Variants in CRISPLD2 observed in about 807,000 individuals in gnomAD.
The protein encoded by CRISPLD2 is cysteine rich secretory protein LCCL domain containing 2.
A neutral mutation model predicts 71.1 loss-of-function variants in CRISPLD2; 47 were observed. The observed-to-expected ratio is 0.66, with a 90% CI of 0.52 to 0.84. The LOEUF (loss-of-function observed/expected upper bound fraction) is 0.84. CRISPLD2 is among the 40% of genes least tolerant of loss of function. The pLI, the probability that CRISPLD2 is intolerant of heterozygous loss-of-function variation, is 0.00. For synonymous variants in CRISPLD2, 317 were observed against 250.1 expected (o/e 1.27, Z -2.52); for missense variants, 830 against 651.1 (o/e 1.27, Z -2.99).
intron 1 of CRISPLD2, among the ~76,000 whole-genome samples, chr16:84,830,587 C>T (rs1916464151): frequency 6.6e-6 from 1 of 152,022 alleles, no homozygotes; most frequent in African/African-American, 2.4e-5. Context: ...CCTCTAGTCC[C>T]AGCTACTCCG....
intron 1 of CRISPLD2, among the ~76,000 whole-genome samples, chr16:84,821,206 G>A (rs912915467): frequency 1.3e-5 from 2 of 152,196 alleles, no homozygotes; most frequent in African/African-American, 4.8e-5. Flanking sequence ...ATGTCTGACA[G>A]TGAGGAGAGC....
chr16:84,899,434 GAC>G (rs1282537465), intron 14 of CRISPLD2, among the ~76,000 whole-genome samples: 2 of 152,186 alleles, frequency 1.3e-5, no homozygotes, highest in African/African-American at 4.8e-5. Context: ...TTATTCATCA[GAC>G]ACGTACAACT....
chr16:84,844,313 C>G (rs182161286), intron 2 of CRISPLD2, among the ~76,000 whole-genome samples: 6 of 152,316 alleles, frequency 3.9e-5, no homozygotes, highest in South Asian at 2.1e-4. Flanking sequence ...GCTGGGCAAG[C>G]TGAAGACGTC....
intron 11 of CRISPLD2, 127 bp from the exon 12 acceptor site, chr16:84,877,311 C>G: frequency 3.8e-6 from 3 of 782,324 alleles, no homozygotes; most frequent in East Asian, 5.3e-5. Flanking sequence ...GGGTCGTAGT[C>G]CCAGCTCTAT....
chr16:84,853,907 G>A (rs539029426), intron 5 of CRISPLD2, among the ~76,000 whole-genome samples: 19 of 152,236 alleles, frequency 1.2e-4, no homozygotes, highest in South Asian at 8.3e-4. Flanking sequence ...GGCCCAAGCC[G>A]GGGAGCCTGC....
intron 2 of CRISPLD2, among the ~76,000 whole-genome samples, chr16:84,840,606 A>G (rs1916743793): frequency 6.6e-6 from 1 of 152,148 alleles, no homozygotes; most frequent in South Asian, 2.1e-4. Context: ...TCCTGGGTTC[A>G]AGCAATTCTC....
intron 2 of CRISPLD2, among the ~76,000 whole-genome samples, chr16:84,842,882 A>G (rs1195531929): frequency 6.6e-6 from 1 of 151,950 alleles, no homozygotes; most frequent in African/African-American, 2.4e-5. Context: ...AGCATCTGGG[A>G]CTGGAGCTTG....
chr16:84,866,867 T>A, intron 6 of CRISPLD2, 30 bp from the exon 7 acceptor site: 2 of 1,601,040 alleles, frequency 1.2e-6, no homozygotes, highest in Non-Finnish European at 8.5e-7. Context: ...CCCAGTGTGT[T>A]ATTTTTTTTC....
At position 84,884,971 on chromosome 16, in the gene CRISPLD2, C is replaced by T. The variant is rs557166548; in HGVS notation, c.1306-4259C>T. Among the ~76,000 whole-genome samples the T allele has an allele frequency of 1.2e-4, 19 of 152,336 alleles. No homozygotes were observed. In the East Asian group the frequency reaches 3.7e-3, roughly 29 times the overall value. On this transcript the variant is annotated intron_variant, in intron 13 of 14. Transcript: ENST00000262424. ...GCGTTCCACTGGGAAACAGCCTGGG[C>T]CTTGCTCCTGGTACTGCAGCAGTTG...
At position 84,868,902 on chromosome 16, in the gene CRISPLD2, C is replaced by T. The variant is rs747188693; in HGVS notation, c.905C>T (p.Thr302Met). 9.3e-6 allele frequency: 15 copies of T among 1,606,648 alleles called. No individual in the cohort carries two copies. The highest frequency in any genetic ancestry group is 1.7e-5 in the Admixed American group (1 of 58,854). The change falls in exon 8 of 15, where the codon ACG becomes ATG. Residue 302 changes from threonine to methionine, a missense_variant. Coordinates refer to ENST00000262424, the MANE Select transcript of CRISPLD2 (RefSeq NM_031476.4). The stretch of plus-strand genomic sequence containing the variant: ...ATGAAGGACAGGTGCAAAGGGTCCA[C>T]GTGTAACAGGTGAGCCTGTGCTGGG... ...TKMKDRCKGS[T>M]CNRYQCPAGC...
intron 4 of CRISPLD2, 63 bp downstream of exon 4, chr16:84,849,580 C>G: frequency 4.0e-6 from 6 of 1,492,756 alleles, no homozygotes; most frequent in Non-Finnish European, 4.6e-6. Context: ...CACCCCCTGC[C>G]CCTGGGGGAT....
intron 5 of CRISPLD2, among the ~76,000 whole-genome samples, chr16:84,851,795 G>T (rs1359683786): frequency 6.6e-6 from 1 of 152,124 alleles, no homozygotes. Flanking sequence ...ACACTAGAAG[G>T]TCCTATCAGA....
intron 13 of CRISPLD2, among the ~76,000 whole-genome samples, chr16:84,883,330 C>T (rs928524807): frequency 3.9e-5 from 6 of 152,206 alleles, no homozygotes; most frequent in Admixed American, 1.3e-4. Context: ...GCCTGCGGCT[C>T]CCGCCTGTTC....
At chr16:84,904,355 AG>A (rs35526418) in intron 14 of CRISPLD2, among the ~76,000 whole-genome samples, 98,781 of 151,894 alleles carry the variant, frequency 0.65, 32,503 homozygotes, top group East Asian at 0.82. Context: ...GAGGCCAAGG[AG>A]GGGAGGATCA....
At chr16:84,860,446 TTAGTC>T (rs774627650) in intron 6 of CRISPLD2, among the ~76,000 whole-genome samples, 3 of 152,174 alleles carry the variant, frequency 2.0e-5, no homozygotes, top group Non-Finnish European at 2.9e-5. Flanking sequence ...CGCCAGGACT[TTAGTC>T]TAGTTATAGG....
At chr16:84,905,306 C>T (rs8049763) in intron 14 of CRISPLD2, among the ~76,000 whole-genome samples, 49,703 of 152,068 alleles carry the variant, frequency 0.33, 8,299 homozygotes, top group South Asian at 0.42. Context: ...GTGGAGATGA[C>T]TGCACAACTC....
In CRISPLD2 at chr16:84,887,509, G is replaced by A. The variant is rs936089932; in HGVS notation, c.1306-1721G>A. ...AGCTGCTGCCGGGGACTGATCAGGC[G>A]AGTCCGTGAGCCTGGGTGAGCCTGT... On this transcript the variant is annotated intron_variant, in intron 13 of 14. Transcript: ENST00000262424. 1.1e-4 allele frequency among the ~76,000 whole-genome samples: 17 copies of A among 152,222 alleles called. 1 individual carries two copies. Among genetic ancestry groups the A allele is most frequent in the Admixed American group, 1.0e-3 (16 of 15,276 alleles).
rs377532598 is a variant in CRISPLD2 at position 84,877,527 on chromosome 16, C to G, written c.1229+17C>G. The G allele has an allele frequency of 6.8e-6, 11 of 1,612,716 alleles. No homozygotes were observed. In the East Asian group the frequency reaches 1.1e-4, roughly 16 times the overall value. Reference sequence around the variant, plus strand: ...CTGCCCAAGGTAAGGCGGGCCTGATCTGTCATCTTTTCTATGGAAGATGTT... The same window carrying G: ...CTGCCCAAGGTAAGGCGGGCCTGATGTGTCATCTTTTCTATGGAAGATGTT... On this transcript the variant is annotated intron_variant, in intron 12 of 14. Coordinates refer to ENST00000262424, the MANE Select transcript of CRISPLD2 (RefSeq NM_031476.4).
rs1017179823 is a variant in CRISPLD2, at chr16:84,844,671, G to A, written c.241-1115G>A. 8.6e-4 allele frequency among the ~76,000 whole-genome samples: 131 copies of A among 152,098 alleles called. 1 individual carries two copies. Among genetic ancestry groups the A allele is most frequent in the African/African-American group, 3.1e-3 (129 of 41,516 alleles). ...AGCCACTGCTCCGGGCCCATCTCCG[G>A]CACTTTCTATCTTCCAACTGAAATG... On this transcript the variant is annotated intron_variant, in intron 2 of 14. Transcript: ENST00000262424.
Sources: gnomAD v4.1 joint callset for allele counts (sites outside exome capture counted in the v4.1 genomes callset) on GRCh38, gnomAD v4.1.1 for gene constraint, MANE v1.5 for transcripts, NCBI Gene and HGNC (gene_info 2026-07-23, HGNC 2026-07-21) for gene names.